TTC7B: variants seen among roughly 807,000 people sequenced by gnomAD.
TTC7B encodes the protein tetratricopeptide repeat protein 7B.
In TTC7B, 28 loss-of-function variants were observed where a neutral mutation model predicts 106.8. That is an observed-to-expected ratio of 0.26 (90% CI 0.19 to 0.36). The LOEUF is 0.36. Ranked by LOEUF, TTC7B falls within the 10% of genes least tolerant of loss-of-function variation. The pLI, the probability that TTC7B is intolerant of heterozygous loss-of-function variation, is 1.00. For missense variants in TTC7B, 862 were observed against 1,076.4 expected, an observed-to-expected ratio of 0.80 and a Z score of 2.79; for synonymous variants, 405 against 430.6, an observed-to-expected ratio of 0.94 and a Z score of 0.74.
Position 90,802,353 on chromosome 14 carries a change from A to G in TTC7B, c.121+13822T>C, listed in dbSNP as rs901399302. On this transcript the variant is annotated intron_variant, in intron 1 of 19. Transcript: ENST00000328459. This position sits in a 1 kb window ranked among gnomAD's most constrained non-coding sequence, Gnocchi z 4.7. ...GTGCCTGCAGAAGGGAAGGGTCAGG[A>G]GAGAAGTGAAGGCTGTGGCAGCCCG... 3.3e-5 allele frequency among the ~76,000 whole-genome samples: 5 copies of G among 152,072 alleles called. No individual in the cohort carries two copies. The highest frequency in any genetic ancestry group is 3.3e-4 in the Admixed American group (5 of 15,260).
At chr14:90,591,503 C>G (rs1173766193) in intron 18 of TTC7B, among the ~76,000 whole-genome samples, 1 of 152,208 alleles carries the variant, frequency 6.6e-6, no homozygotes, top group African/African-American at 2.4e-5. Flanking sequence ...AGCAAGGCAC[C>G]AGACAGAGCT....
chr14:90,594,702 T>C (rs1356611871), intron 17 of TTC7B, among the ~76,000 whole-genome samples: 1 of 152,196 alleles, frequency 6.6e-6, no homozygotes, highest in Non-Finnish European at 1.5e-5. Flanking sequence ...TAATAATCTA[T>C]AAAGATAAAT....
intron 5 of TTC7B, among the ~76,000 whole-genome samples, chr14:90,722,266 C>T (rs1245536382): frequency 3.3e-5 from 5 of 152,232 alleles, no homozygotes; most frequent in Non-Finnish European, 7.3e-5. Context: ...GGCTCTATCC[C>T]TCCCTCCATC....
chr14:90,744,206 T>A (rs1430060260), intron 4 of TTC7B, among the ~76,000 whole-genome samples: 1 of 152,232 alleles, frequency 6.6e-6, no homozygotes, highest in Non-Finnish European at 1.5e-5. Flanking sequence ...CAGGGGTGGC[T>A]GGCCAGCTTC....
At chr14:90,676,987 G>A (rs1051367567) in intron 8 of TTC7B, among the ~76,000 whole-genome samples, 2 of 152,110 alleles carry the variant, frequency 1.3e-5, no homozygotes, top group African/African-American at 4.8e-5. Flanking sequence ...CATAGAAGAC[G>A]CAGCTGCGCT....
intron 17 of TTC7B, among the ~76,000 whole-genome samples, chr14:90,603,671 T>C (rs187049269): frequency 4.1e-4 from 62 of 152,314 alleles, no homozygotes; most frequent in African/African-American, 1.4e-3. Context: ...CAGTGGTTTG[T>C]AGGGTTGGGC....
At chr14:90,737,293 A>T (rs77675060) in intron 4 of TTC7B, among the ~76,000 whole-genome samples, 1 of 152,080 alleles carries the variant, frequency 6.6e-6, no homozygotes, top group Non-Finnish European at 1.5e-5. Flanking sequence ...CTGAAAACAT[A>T]TGTCTACACA....
At chr14:90,713,487 C>A (rs1232066041) in intron 5 of TTC7B, among the ~76,000 whole-genome samples, 1 of 152,158 alleles carries the variant, frequency 6.6e-6, no homozygotes, top group African/African-American at 2.4e-5. Context: ...TAATTAAAAT[C>A]ACAATGGGAT....
At chr14:90,766,448 C>A in intron 3 of TTC7B, 2 of 614,262 alleles carry the variant, frequency 3.3e-6, no homozygotes, top group East Asian at 5.3e-5. Flanking sequence ...ATTGAAATGT[C>A]AAAAAGGACA....
intron 3 of TTC7B, among the ~76,000 whole-genome samples, chr14:90,745,313 A>AAAGAAG (rs1555395559): frequency 7.4e-6 from 1 of 135,994 alleles, no homozygotes; most frequent in African/African-American, 2.8e-5. Context: ...AAAAAAAAAA[A>AAAGAAG]AAGAAGAAGA....
At chr14:90,700,103 A>C (rs1049022320) in intron 5 of TTC7B, among the ~76,000 whole-genome samples, 4 of 152,232 alleles carry the variant, frequency 2.6e-5, no homozygotes, top group Admixed American at 1.3e-4. Context: ...GCAGCAAAGC[A>C]CTGCACTCTC....
At chr14:90,794,207 ATTTCTTTTTTTTTTTTTT>A (rs1566891580) in intron 1 of TTC7B, among the ~76,000 whole-genome samples, 6 of 130,608 alleles carry the variant, frequency 4.6e-5, no homozygotes, top group Admixed American at 7.3e-5. Context: ...CTGGCTGGGT[ATTTCTTTTTTTTTTTTTT>A]TTTTTTTTTT....
chr14:90,681,632 T>C (rs1432894139), intron 7 of TTC7B, among the ~76,000 whole-genome samples: 2 of 152,196 alleles, frequency 1.3e-5, no homozygotes, highest in Non-Finnish European at 2.9e-5. Flanking sequence ...CTGATACCGC[T>C]GGAGGTAAGG....
rs66522045 is a variant in TTC7B, at chr14:90,663,450, G to GTT, written c.1153-5065_1153-5064dup. Among the ~76,000 whole-genome samples the GTT allele has an allele frequency of 1.6e-4, 24 of 150,200 alleles. No homozygotes were observed. In the East Asian group the frequency reaches 1.8e-3, roughly 11 times the overall value. ...ACTGTTTCAGAGACTCAGCGATATGGTTTTTTTTTTGCTGCTAATGGGGAC... is the reference window on the plus strand; with the variant it reads ...ACTGTTTCAGAGACTCAGCGATATGGTTTTTTTTTTTTGCTGCTAATGGGGAC... On this transcript the variant is annotated intron_variant, in intron 9 of 19. Coordinates refer to ENST00000328459, the MANE Select transcript of TTC7B (RefSeq NM_001010854.2). The surrounding 1 kb of genome is among the most constrained non-coding windows in gnomAD (Gnocchi z 4.5).
At chr14:90,692,701 T>C (rs1024849296) in intron 6 of TTC7B, among the ~76,000 whole-genome samples, 3 of 152,214 alleles carry the variant, frequency 2.0e-5, no homozygotes, top group Non-Finnish European at 2.9e-5. Flanking sequence ...CTGTTCATAT[T>C]GACCAGTTGG....
intron 19 of TTC7B, among the ~76,000 whole-genome samples, chr14:90,572,958 G>A (rs1204815388): frequency 5.3e-5 from 8 of 151,904 alleles, no homozygotes; most frequent in African/African-American, 1.5e-4. Flanking sequence ...CCTAGCCACC[G>A]CCCGTCTCTC....
At chr14:90,654,899 CCT>C in intron 12 of TTC7B, 92 bp downstream of exon 12, 3 of 1,023,284 alleles carry the variant, frequency 2.9e-6, no homozygotes, top group South Asian at 1.3e-5. Context: ...TCTGCACCCT[CCT>C]GAGACAGAAG....
At chr14:90,749,487 C>T (rs1268673465) in intron 3 of TTC7B, among the ~76,000 whole-genome samples, 1 of 150,740 alleles carries the variant, frequency 6.6e-6, no homozygotes, top group Non-Finnish European at 1.5e-5. Flanking sequence ...CTCACTGCAA[C>T]CTCCACCTCC....
intron 5 of TTC7B, among the ~76,000 whole-genome samples, chr14:90,711,633 G>A (rs904484082): frequency 3.3e-5 from 5 of 152,194 alleles, no homozygotes; most frequent in Non-Finnish European, 7.3e-5. Context: ...TGTTGGCCAG[G>A]CTGGTCTCAA....
Sources: gnomAD v4.1 joint callset for allele counts (sites outside exome capture counted in the v4.1 genomes callset) on GRCh38, gnomAD v4.1.1 for gene constraint, Gnocchi (gnomAD v3.1) non-coding constraint, MANE v1.5 for transcripts, NCBI Gene and HGNC (gene_info 2026-07-23, HGNC 2026-07-21) for gene names.